HADH: variants seen among roughly 807,000 people sequenced by gnomAD.
The protein encoded by HADH is hydroxyacyl-coenzyme A dehydrogenase, mitochondrial.
A neutral mutation model predicts 32.2 loss-of-function variants in HADH; 24 were observed. The ratio of observed to expected loss-of-function variants is 0.75; its 90% confidence interval spans 0.54 to 1.05. The LOEUF (loss-of-function observed/expected upper bound fraction) is 1.05, where lower values mean the gene tolerates loss of function less well. Among genes scored for constraint, HADH ranks in the 50% least tolerant of loss-of-function variants. HADH has a pLI of 0.00. For missense variants in HADH, 350 were observed against 397.1 expected, an observed-to-expected ratio of 0.88 and a Z score of 1.01; for synonymous variants, 139 against 152.5, an observed-to-expected ratio of 0.91 and a Z score of 0.65.
intron 1 of HADH, among the ~76,000 whole-genome samples, chr4:107,997,136 C>T (rs1055356193): frequency 6.6e-6 from 1 of 152,232 alleles, no homozygotes; most frequent in African/African-American, 2.4e-5. Context: ...GCAGGCCTTG[C>T]TGTTAAGGCG....
At chr4:108,031,598 A>T (rs140324920) in intron 6 of HADH, 1 of 152,068 alleles carries the variant, frequency 6.6e-6, no homozygotes, top group Non-Finnish European at 1.5e-5. Context: ...TCATCTCAGG[A>T]TTATCTTCAC....
intron 6 of HADH, chr4:108,032,930 C>T (rs961296883): frequency 2.1e-6 from 1 of 481,772 alleles, no homozygotes. Context: ...TGCAGCGAGC[C>T]AAGATTGTGC....
At chr4:108,010,894 C>G (rs1042951286) in intron 2 of HADH, among the ~76,000 whole-genome samples, 22 of 149,684 alleles carry the variant, frequency 1.5e-4, no homozygotes, top group South Asian at 6.4e-4. Context: ...ACTCTGTCAC[C>G]AGGCTGGAGT....
Position 108,035,004 on chromosome 4 carries a change from GTC to G in HADH, c.*649_*650del, listed in dbSNP as rs1253721180. On this transcript the variant is annotated 3_prime_UTR_variant, in exon 8 of 8. Transcript: ENST00000309522. ...CCACAGATCTGAATGATTACTGTCT[GTC>G]TGTGTCTTTTTTCCATGAGAAATCA... is the stretch of plus-strand genomic sequence containing the variant. 6.5e-6 allele frequency: 1 copy of G among 153,732 alleles called. No homozygotes were observed. The highest frequency in any genetic ancestry group is 2.4e-5 in the African/African-American group (1 of 41,404). 9.5% of individuals were successfully genotyped at this position (153,732 alleles called of 1,614,324 possible). A position where few individuals can be genotyped will look rare whatever the true frequency, so the allele number is the denominator to read the frequency against.
Position 107,989,926 on chromosome 4 carries a change from C to A in HADH, c.-7C>A, listed in dbSNP as rs1553940872. On this transcript the variant is annotated 5_prime_UTR_variant, in exon 1 of 8. Coordinates refer to ENST00000309522, the MANE Select transcript of HADH (RefSeq NM_005327.7). ...GGTCTCCTCGCTGTCGCCGCCGCTG[C>A]CACACCATGGCCTTCGTCACCAGGC... The A allele has an allele frequency of 7.4e-6, 12 of 1,612,072 alleles. No individual in the cohort carries two copies. The highest frequency in any genetic ancestry group is 1.1e-5 in the South Asian group (1 of 90,754).
chr4:108,004,568 A>G (rs1735228272), intron 1 of HADH: 1 of 1,165,894 alleles, frequency 8.6e-7, no homozygotes, highest in African/African-American at 1.6e-5. Context: ...ATGTAACCAA[A>G]AGCTGTGAAT....
intron 1 of HADH, among the ~76,000 whole-genome samples, chr4:108,005,535 T>C (rs557148554): frequency 6.6e-6 from 1 of 152,358 alleles, no homozygotes; most frequent in Admixed American, 6.5e-5. Flanking sequence ...GAAGAATAAT[T>C]AGTTATAGGC....
rs190983457 is a variant in HADH, at chr4:107,991,586, T to C, written c.132+1522T>C. ...ATAATTTTGGACATACATTGCCCTT[T>C]TTATTGTGTGGATCCCCTGGCTGCT... is the stretch of plus-strand genomic sequence containing the variant. On this transcript the variant is annotated intron_variant, in intron 1 of 7. Transcript: ENST00000309522. 2.9e-3 allele frequency among the ~76,000 whole-genome samples: 440 copies of C among 152,276 alleles called. 4 individuals are homozygous for C. The highest frequency in any genetic ancestry group is 0.017 in the Middle Eastern group (5 of 294).
intron 1 of HADH, among the ~76,000 whole-genome samples, chr4:107,991,963 G>A (rs1734828284): frequency 6.6e-6 from 1 of 152,180 alleles, no homozygotes; most frequent in Non-Finnish European, 1.5e-5. Context: ...TTCAACTTTT[G>A]TAGAAAATCA....
At chr4:108,023,415 C>A (rs1436579241) in intron 4 of HADH, 59 bp from the exon 5 acceptor site, 2 of 956,524 alleles carry the variant, frequency 2.1e-6, no homozygotes, top group Non-Finnish European at 1.7e-6. Context: ...TTCCTTGAAC[C>A]ATTCTACCGA....
intron 1 of HADH, among the ~76,000 whole-genome samples, chr4:108,009,040 G>A (rs1735385973): frequency 6.6e-6 from 1 of 152,190 alleles, no homozygotes; most frequent in Non-Finnish European, 1.5e-5. Context: ...CTCAGCCAGG[G>A]TGGCATGGTG....
intron 3 of HADH, 90 bp from the exon 4 acceptor site, chr4:108,019,450 A>G: frequency 1.8e-6 from 2 of 1,133,920 alleles, no homozygotes; most frequent in Non-Finnish European, 2.7e-6. Context: ...TGTGGCAGTA[A>G]GCAGTCACCT....
Position 108,027,898 on chromosome 4 carries a change from C to T in HADH, c.709+138C>T, listed in dbSNP as rs1346720946. On this transcript the variant is annotated intron_variant, in intron 6 of 7. Coordinates refer to ENST00000309522, the MANE Select transcript of HADH (RefSeq NM_005327.7). ...CTGTTTTCTAGCTTTGTGAGCTCAG[C>T]TGCACCCTGAGCCCTGGTACCTTTT... is the stretch of plus-strand genomic sequence containing the variant. 4.3e-6 allele frequency: 3 copies of T among 703,946 alleles called. No individual in the cohort carries two copies. In the African/African-American group the frequency reaches 5.3e-5, roughly 12 times the overall value. 43.6% of individuals were successfully genotyped at this position (703,946 alleles called of 1,614,324 possible).
intron 6 of HADH, 64 bp downstream of exon 6, chr4:108,027,824 T>A: frequency 1.0e-6 from 1 of 960,228 alleles, no homozygotes; most frequent in Non-Finnish European, 1.7e-6. Flanking sequence ...TCTGGAATTC[T>A]CAGTGTCTCT....
intron 1 of HADH, among the ~76,000 whole-genome samples, chr4:107,995,299 A>G (rs1340807090): frequency 6.6e-6 from 1 of 152,176 alleles, no homozygotes; most frequent in Non-Finnish European, 1.5e-5. Context: ...CTCTTTACTT[A>G]CCTGGGAATA....
In HADH at chr4:108,007,699, G is replaced by A. The variant is rs566920078; in HGVS notation, c.133-2060G>A. ...CCCATTTAGACTAACGCACCAGTAG[G>A]AGATGAACACCAACTCCATGTGGAT... On this transcript the variant is annotated intron_variant, in intron 1 of 7. Transcript: ENST00000309522. 2.6e-5 allele frequency among the ~76,000 whole-genome samples: 4 copies of A among 152,326 alleles called. No homozygotes were observed. The East Asian group carries it at 7.7e-4, about 29-fold the overall frequency.
At position 108,014,472 on chromosome 4, in the gene HADH, G is replaced by A. The variant is rs1261602518; in HGVS notation, c.303G>A (p.Ala101=). The A allele has an allele frequency of 4.3e-6, 7 of 1,614,118 alleles. No homozygotes were observed. The highest frequency in any genetic ancestry group is 1.1e-5 in the South Asian group (1 of 91,068). The part of the protein sequence containing the change: ...EFVEKTLSTI[A]TSTDAASVVH... ...TGGAGAAGACCCTGAGCACCATAGC[G>A]ACCAGCACGGATGCAGCCTCCGTTG... Residue 101 remains alanine (A), a synonymous_variant, in exon 3 of 8, where the codon GCG becomes GCA. Transcript: ENST00000309522.
rs74268353 is a variant in HADH, at chr4:108,003,811, T to TA, written c.133-5933dup. On this transcript the variant is annotated intron_variant, in intron 1 of 7. Transcript: ENST00000309522. ...AAAGAAGAAGGGGGCAGCCCAGAAT[T>TA]AAAAAAAAAAAAAAACAAAAAAAAA... 2.7e-3 allele frequency among the ~76,000 whole-genome samples: 394 copies of TA among 146,796 alleles called. 1 individual carries two copies. Among genetic ancestry groups the TA allele is most frequent in the African/African-American group, 8.6e-3 (339 of 39,268 alleles).
chr4:107,999,827 G>A (rs1486805686), intron 1 of HADH, among the ~76,000 whole-genome samples: 1 of 152,040 alleles, frequency 6.6e-6, no homozygotes, highest in Non-Finnish European at 1.5e-5. Context: ...GTCATATCTG[G>A]GATTTGATCT....
Sources: gnomAD v4.1 joint callset for allele counts (sites outside exome capture counted in the v4.1 genomes callset) on GRCh38, gnomAD v4.1.1 for gene constraint, MANE v1.5 for transcripts, NCBI Gene and HGNC (gene_info 2026-07-23, HGNC 2026-07-21) for gene names.